The following UNC13C variants were observed in gnomAD, a reference collection of about 807,000 sequenced individuals.
UNC13C encodes the protein protein unc-13 homolog C.
In UNC13C, 174 loss-of-function variants were observed where a neutral mutation model predicts 245.4. The ratio of observed to expected loss-of-function variants is 0.71; its 90% CI spans 0.63 to 0.80. UNC13C has a LOEUF of 0.80. Among genes scored for constraint, UNC13C ranks in the 30% least tolerant of loss-of-function variants. The pLI is 0.00. For synonymous variants in UNC13C, 992 were observed against 895.1 expected (o/e 1.11, Z -1.93); for missense variants, 2,829 against 2,602.9 (o/e 1.09, Z -1.89).
chr15:54,365,766 A>G (rs573609708), intron 17 of UNC13C, among the ~76,000 whole-genome samples: 1 of 151,450 alleles, frequency 6.6e-6, no homozygotes, highest in Non-Finnish European at 1.5e-5. Context: ...AAAAAAGAAA[A>G]AAAAAAAAAC....
At chr15:54,173,127 T>A (rs1595946256) in intron 4 of UNC13C, among the ~76,000 whole-genome samples, 1 of 152,112 alleles carries the variant, frequency 6.6e-6, no homozygotes, top group East Asian at 1.9e-4. Flanking sequence ...ATAACTTCTA[T>A]AACTTGATAA....
intron 2 of UNC13C, among the ~76,000 whole-genome samples, chr15:54,037,260 C>A (rs964838990): frequency 3.9e-5 from 6 of 152,198 alleles, no homozygotes; most frequent in African/African-American, 1.4e-4. Flanking sequence ...CTTTTAGGCA[C>A]TCCGGTGATG....
chr15:54,525,176 A>T (rs1895391402), intron 24 of UNC13C, among the ~76,000 whole-genome samples: 1 of 152,194 alleles, frequency 6.6e-6, no homozygotes, highest in Non-Finnish European at 1.5e-5. Flanking sequence ...GATTTAAATA[A>T]ATTTTGAAGC....
chr15:54,004,843 T>A (rs1258680902), intron 1 of UNC13C, among the ~76,000 whole-genome samples: 3 of 152,226 alleles, frequency 2.0e-5, no homozygotes, highest in African/African-American at 7.2e-5. Context: ...TGCCCATTTT[T>A]AAATTGGATT....
At chr15:54,059,907 T>C (rs1003651293) in intron 2 of UNC13C, among the ~76,000 whole-genome samples, 12 of 152,310 alleles carry the variant, frequency 7.9e-5, no homozygotes, top group Admixed American at 4.6e-4. Context: ...GAAAACTGGC[T>C]AGCCATATGG....
At chr15:54,445,092 T>G (rs572343477) in intron 19 of UNC13C, among the ~76,000 whole-genome samples, 1 of 152,020 alleles carries the variant, frequency 6.6e-6, no homozygotes, top group Non-Finnish European at 1.5e-5. Context: ...TGCGATAGTT[T>G]GCTGAGAATG....
chr15:54,440,129 T>A (rs1305689757), intron 19 of UNC13C, among the ~76,000 whole-genome samples: 1 of 151,864 alleles, frequency 6.6e-6, no homozygotes, highest in East Asian at 2.0e-4. Flanking sequence ...TCTCACAAGG[T>A]CTGATAGCTT....
intron 17 of UNC13C, among the ~76,000 whole-genome samples, chr15:54,363,964 A>G (rs1182315814): frequency 6.6e-6 from 1 of 152,208 alleles, no homozygotes; most frequent in African/African-American, 2.4e-5. Context: ...AGTGTCATAC[A>G]TTTGCGTAAA....
At chr15:54,499,406 C>T (rs1894097400) in intron 20 of UNC13C, among the ~76,000 whole-genome samples, 1 of 152,034 alleles carries the variant, frequency 6.6e-6, no homozygotes, top group South Asian at 2.1e-4. Flanking sequence ...GGTGGGGACA[C>T]AGATCCAAAC....
chr15:54,603,454 G>T (rs1376591223), intron 30 of UNC13C, among the ~76,000 whole-genome samples: 1 of 152,162 alleles, frequency 6.6e-6, no homozygotes, highest in African/African-American at 2.4e-5. Context: ...TGCCAGAACT[G>T]TTGGTAGCAC....
intron 1 of UNC13C, among the ~76,000 whole-genome samples, chr15:53,985,344 T>G (rs1894091464): frequency 6.6e-6 from 1 of 151,810 alleles, no homozygotes; most frequent in African/African-American, 2.4e-5. Flanking sequence ...TTTTTTTTCT[T>G]GGTTCTTTTT....
the UNC13C span, among the ~76,000 whole-genome samples, chr15:53,971,648 T>C: frequency 0.021 from 3,192 of 152,308 alleles, 119 homozygotes; most frequent in African/African-American, 0.073. Flanking sequence ...AGAAGATCTT[T>C]CTGGAGTTTT....
intron 12 of UNC13C, among the ~76,000 whole-genome samples, chr15:54,299,109 ACTGGCATGATGGAGAATT>A (rs1382123571): frequency 6.6e-6 from 1 of 152,150 alleles, no homozygotes; most frequent in Non-Finnish European, 1.5e-5. Flanking sequence ...AATCCCTTGA[ACTGGCATGATGGAGAATT>A]CGGGCCTTAA....
intron 17 of UNC13C, among the ~76,000 whole-genome samples, chr15:54,374,410 C>T (rs1000345991): frequency 6.6e-6 from 1 of 152,192 alleles, no homozygotes; most frequent in African/African-American, 2.4e-5. Flanking sequence ...CCTCTCATGC[C>T]CCTCAGCACC....
chr15:54,008,512 T>A (rs1895241224), intron 1 of UNC13C, among the ~76,000 whole-genome samples: 1 of 152,156 alleles, frequency 6.6e-6, no homozygotes, highest in South Asian at 2.1e-4. Flanking sequence ...CTTTCCAAAG[T>A]CTTAAATCTT....
At chr15:54,302,942 G>A (rs2037625548) in intron 13 of UNC13C, among the ~76,000 whole-genome samples, 1 of 151,910 alleles carries the variant, frequency 6.6e-6, no homozygotes, top group Non-Finnish European at 1.5e-5. Flanking sequence ...CATAATGTAA[G>A]CATGAATGAT....
intron 29 of UNC13C, among the ~76,000 whole-genome samples, chr15:54,558,232 C>T (rs191804720): frequency 6.6e-6 from 1 of 151,898 alleles, no homozygotes; most frequent in African/African-American, 2.4e-5. Context: ...TGCACATGTA[C>T]CCTAAAACTT....
At chr15:54,632,672 A>C (rs1240247876), downstream of UNC13C, 1 of 152,182 alleles carries the variant, frequency 6.6e-6, no homozygotes, top group African/African-American at 2.4e-5. Flanking sequence ...CTTCATCATA[A>C]ATCAATTGAC....
the UNC13C span, among the ~76,000 whole-genome samples, chr15:53,926,069 G>A: frequency 0.22 from 33,656 of 151,970 alleles, 4,712 homozygotes; most frequent in Non-Finnish European, 0.31. Context: ...TTGGCCAGGA[G>A]CAATACTATT....
Sources: gnomAD v4.1 joint callset for allele counts (sites outside exome capture counted in the v4.1 genomes callset) on GRCh38, gnomAD v4.1.1 for gene constraint, MANE v1.5 for transcripts, NCBI Gene and HGNC (gene_info 2026-07-23, HGNC 2026-07-21) for gene names.